Variants in PDPR observed in about 807,000 individuals in gnomAD.
The protein encoded by PDPR is pyruvate dehydrogenase phosphatase regulatory subunit.
In PDPR, 50 loss-of-function variants were observed where a neutral mutation model predicts 102.2. The observed-to-expected ratio is 0.49, with a 90% CI of 0.39 to 0.62. The LOEUF is 0.62. Among genes scored for constraint, PDPR ranks in the 20% least tolerant of loss-of-function variants. PDPR has a pLI of 0.00. For missense variants in PDPR, 625 were observed against 1,098.2 expected (o/e 0.57, Z 6.09); for synonymous variants, 259 against 406.0 (o/e 0.64, Z 4.35).
At position 70,126,374 on chromosome 16, in the gene PDPR, T is replaced by A. The variant is rs572411182; in HGVS notation, c.228-886T>A. 2.0e-5 allele frequency among the ~76,000 whole-genome samples: 3 copies of A among 152,324 alleles called. No individual in the cohort carries two copies. In the South Asian group the frequency reaches 6.2e-4, roughly 32 times the overall value. On this transcript the variant is annotated intron_variant, in intron 3 of 18. Transcript: ENST00000288050. ...TAACTTTTATCTTTATTTTTTTTAC[T>A]TTTTTTTGAGGCGGAGTCTCGCTCT...
At chr16:70,127,123 G>A in intron 3 of PDPR, 137 bp from the exon 4 acceptor site, 4 of 1,501,090 alleles carry the variant, frequency 2.7e-6, no homozygotes, top group Non-Finnish European at 3.5e-6. Context: ...CTAAAGTGCT[G>A]GGATTATAAG....
downstream of PDPR, among the ~76,000 whole-genome samples, chr16:70,163,008 T>C (rs1967923697): frequency 2.0e-5 from 3 of 152,280 alleles, no homozygotes; most frequent in African/African-American, 7.2e-5. Flanking sequence ...TGGAGTACAG[T>C]GGTGTGATCT....
At chr16:70,143,340 C>A (rs1307861734) in intron 13 of PDPR, among the ~76,000 whole-genome samples, 170 bp from the exon 14 acceptor site, 1 of 152,270 alleles carries the variant, frequency 6.6e-6, no homozygotes, top group Non-Finnish European at 1.5e-5. Flanking sequence ...TCATAAGAAT[C>A]AATAGCTAGC....
chr16:70,154,534 G>A (rs1401279668), intron 18 of PDPR, among the ~76,000 whole-genome samples: 1 of 152,282 alleles, frequency 6.6e-6, no homozygotes, highest in Non-Finnish European at 1.5e-5. Flanking sequence ...AAGACTGAGT[G>A]CTTTCTGGGA....
At chr16:70,145,671 T>C (rs995560689) in intron 15 of PDPR, 1 of 461,794 alleles carries the variant, frequency 2.2e-6, no homozygotes, top group Non-Finnish European at 4.3e-6. Context: ...TTCTAGCCTG[T>C]CTTAGGATGG....
At position 70,133,414 on chromosome 16, in the gene PDPR, G is replaced by A. The variant is rs796824188; in HGVS notation, c.997+1114G>A. ...TGGGATTACAGGCATGAGCCACTGC[G>A]TCTGGCCTTTTTTTTTTTTTGAGAT... is the stretch of plus-strand genomic sequence containing the variant. On this transcript the variant is annotated intron_variant, in intron 9 of 18. Coordinates refer to ENST00000288050, the MANE Select transcript of PDPR (RefSeq NM_017990.5). Among the ~76,000 whole-genome samples the A allele has an allele frequency of 1.6e-4, 16 of 98,542 alleles. No individual in the cohort carries two copies. The East Asian group carries it at 1.6e-3, about 10-fold the overall frequency. 64.6% of individuals were successfully genotyped at this position (98,542 alleles called of 152,430 possible). A position where few individuals can be genotyped will look rare whatever the true frequency, so the allele number is the denominator to read the frequency against.
chr16:70,122,167 A>G (rs1228997150), intron 3 of PDPR, among the ~76,000 whole-genome samples: 3 of 152,290 alleles, frequency 2.0e-5, no homozygotes, highest in South Asian at 2.1e-4. Context: ...CTGTTTTTTT[A>G]GTAGAGACAG....
intron 13 of PDPR, 36 bp from the exon 14 acceptor site, chr16:70,143,474 C>T (rs371913487): frequency 4.7e-5 from 76 of 1,609,040 alleles, no homozygotes; most frequent in East Asian, 2.5e-4. Flanking sequence ...GGTGCTCTCA[C>T]GCTCACTCTC....
In PDPR at chr16:70,114,369, G is replaced by A. The variant is rs1962411642; in HGVS notation, c.-214G>A. ...CGCTTTCCGGCCCGCGGCGACCCCA[G>A]GCAACTGTTGTGGCTGCCGCATTGC... On this transcript the variant is annotated 5_prime_UTR_variant, in exon 1 of 19. Transcript: ENST00000288050. The A allele has an allele frequency of 6.6e-6, 1 of 152,198 alleles. No individual in the cohort carries two copies. Among genetic ancestry groups the A allele is most frequent in the Non-Finnish European group, 1.5e-5 (1 of 68,044 alleles). 9.4% of individuals were successfully genotyped at this position (152,198 alleles called of 1,614,324 possible).
chr16:70,128,557 C>G (rs545056175), intron 4 of PDPR, among the ~76,000 whole-genome samples: 4 of 152,380 alleles, frequency 2.6e-5, no homozygotes, highest in African/African-American at 9.6e-5. Context: ...CACAACCTCA[C>G]AAAACTGTGA....
At chr16:70,155,085 G>A (rs1228297200) in intron 18 of PDPR, among the ~76,000 whole-genome samples, 2 of 152,096 alleles carry the variant, frequency 1.3e-5, no homozygotes, top group South Asian at 2.1e-4. Flanking sequence ...CCAGCTACTC[G>A]GTAGGCTGAG....
chr16:70,120,439 T>C, intron 2 of PDPR, 22 bp from the exon 3 acceptor site: 1 of 1,288,942 alleles, frequency 7.8e-7, no homozygotes, highest in South Asian at 1.2e-5. Context: ...TGGCATGAAA[T>C]ATGTTTGGTT....
chr16:70,154,170 T>TTAC (rs200957612), intron 18 of PDPR, among the ~76,000 whole-genome samples: 2,595 of 148,780 alleles, frequency 0.017, 18 homozygotes, highest in African/African-American at 0.062. Flanking sequence ...AAAAAAAAAT[T>TTAC]TACAAAAAGT....
intron 11 of PDPR, among the ~76,000 whole-genome samples, chr16:70,139,243 A>G (rs1359931177): frequency 2.0e-5 from 3 of 152,250 alleles, no homozygotes; most frequent in African/African-American, 7.2e-5. Flanking sequence ...CATTCTGAGA[A>G]CAAGAAAATA....
intron 3 of PDPR, among the ~76,000 whole-genome samples, chr16:70,124,484 ATCTG>A (rs1248920691): frequency 1.3e-5 from 2 of 152,282 alleles, no homozygotes. Context: ...TGGGTCTTAA[ATCTG>A]TCTGCACATT....
At chr16:70,154,486 CA>C (rs554295050) in intron 18 of PDPR, among the ~76,000 whole-genome samples, 7 of 152,254 alleles carry the variant, frequency 4.6e-5, no homozygotes, top group South Asian at 2.1e-4. Flanking sequence ...GAAAAACAAA[CA>C]AAAAAACCCA....
At position 70,159,669 on chromosome 16, in the gene PDPR, T is replaced by G. The variant is rs1348104275; in HGVS notation, c.*2790T>G. ...TGCCTCTGTCTAGTGTCCAAGCATCTTAGCTGTTCAAGAGGAGAGGGCAGC... is the reference window on the plus strand; with the variant it reads ...TGCCTCTGTCTAGTGTCCAAGCATCGTAGCTGTTCAAGAGGAGAGGGCAGC... On this transcript the variant is annotated 3_prime_UTR_variant, in exon 19 of 19. Coordinates refer to ENST00000288050, the MANE Select transcript of PDPR (RefSeq NM_017990.5). 2 of 152,824 alleles carry G rather than the reference T, an allele frequency of 1.3e-5. No homozygotes were observed. The highest frequency in any genetic ancestry group is 2.9e-5 in the Non-Finnish European group (2 of 68,456). The allele number at this position is 152,824 out of a possible 1,614,324, so 9.5% of individuals were successfully genotyped here.
chr16:70,119,242 C>G (rs1469439720), intron 2 of PDPR, among the ~76,000 whole-genome samples: 1 of 152,108 alleles, frequency 6.6e-6, no homozygotes, highest in Non-Finnish European at 1.5e-5. Flanking sequence ...GGGAGGATCA[C>G]TTGAGCCTAG....
In PDPR at chr16:70,156,570, A is replaced by C. The variant is rs1367405676; in HGVS notation, c.2331A>C (p.Ser777=). 1.2e-6 allele frequency: 2 copies of C among 1,614,082 alleles called. No homozygotes were observed. The highest frequency in any genetic ancestry group is 1.7e-4 in the Middle Eastern group (1 of 6,060). ...LTMFILDDHD[S]DLDLWPWWGE... ...TGTTCATCCTGGACGACCATGATTC[A>C]GACCTAGACCTTTGGCCTTGGTGGG... Residue 777 remains serine (S), a synonymous_variant, in exon 19 of 19, where the codon TCA becomes TCC. Coordinates refer to ENST00000288050, the MANE Select transcript of PDPR (RefSeq NM_017990.5).
Sources: gnomAD v4.1 joint callset for allele counts (sites outside exome capture counted in the v4.1 genomes callset) on GRCh38, gnomAD v4.1.1 for gene constraint, MANE v1.5 for transcripts, NCBI Gene and HGNC (gene_info 2026-07-23, HGNC 2026-07-21) for gene names.